Variants in PPP2R2B observed in about 807,000 individuals in gnomAD.
PPP2R2B encodes the protein protein phosphatase 2 regulatory subunit Bbeta.
Under a neutral mutation model 46.0 loss-of-function variants are expected in PPP2R2B, and 5 were observed. The ratio of observed to expected loss-of-function variants is 0.11; its 90% CI spans 0.06 to 0.23. The LOEUF (loss-of-function observed/expected upper bound fraction) is 0.23, where lower values mean the gene tolerates loss of function less well. Among genes scored for constraint, PPP2R2B ranks in the 10% least tolerant of loss-of-function variants. The pLI is 1.00. For synonymous variants in PPP2R2B, 215 were observed against 206.7 expected (o/e 1.04, Z -0.34); for missense variants, 367 against 575.0 (o/e 0.64, Z 3.70).
Position 146,992,956 on chromosome 5 carries a change from T to A in PPP2R2B, c.79+62709A>T, listed in dbSNP as rs867808974. ...AAATCTTTTTTATTTTTATGTTTAT[T>A]TTTTTAGATGGAGTCTTGCTCTGTC... On this transcript the variant is annotated intron_variant, in intron 1 of 8. Coordinates refer to the PPP2R2B transcript ENST00000336640. Among the ~76,000 whole-genome samples the A allele has an allele frequency of 5.3e-5, 8 of 152,276 alleles. 1 individual carries two copies. In the South Asian group the frequency reaches 1.7e-3, roughly 32 times the overall value.
intron 5 of PPP2R2B, among the ~76,000 whole-genome samples, chr5:146,682,221 T>C (rs1778221417): frequency 6.6e-6 from 1 of 152,218 alleles, no homozygotes; most frequent in South Asian, 2.1e-4. Flanking sequence ...CAAGGCAGCG[T>C]AGGAGAGTCA....
chr5:146,839,651 T>C (rs574299996), intron 2 of PPP2R2B, among the ~76,000 whole-genome samples: 4 of 152,362 alleles, frequency 2.6e-5, no homozygotes, highest in Non-Finnish European at 5.9e-5. Context: ...ACTTAAGAAA[T>C]GGACTTGCTA....
chr5:146,633,139 T>C (rs1229189628), intron 7 of PPP2R2B, among the ~76,000 whole-genome samples: 33 of 151,902 alleles, frequency 2.2e-4, no homozygotes, highest in Admixed American at 2.2e-3. Context: ...CCAGAAGTGG[T>C]AGAAAAAAAT....
chr5:146,916,150 C>G (rs1195141758), intron 1 of PPP2R2B, among the ~76,000 whole-genome samples: 1 of 152,102 alleles, frequency 6.6e-6, no homozygotes, highest in Non-Finnish European at 1.5e-5. Context: ...ACTTAAATAT[C>G]TGTTTTGAAA....
chr5:147,004,522 C>T lies in PPP2R2B; in HGVS notation c.79+51143G>A, dbSNP rs552389377. On this transcript the variant is annotated intron_variant, in intron 1 of 8. Coordinates refer to the PPP2R2B transcript ENST00000336640. Reference sequence around the variant, plus strand: ...TACCATCCGAGGAATCCTGGGACAGCCTATAACCAGGTATTTCTCCCACTT... The same window carrying T: ...TACCATCCGAGGAATCCTGGGACAGTCTATAACCAGGTATTTCTCCCACTT... Among the ~76,000 whole-genome samples the T allele has an allele frequency of 6.6e-5, 10 of 152,286 alleles. No individual in the cohort carries two copies. In the South Asian group the frequency reaches 1.9e-3, roughly 28 times the overall value.
chr5:147,037,049 G>T (rs1287603648), intron 1 of PPP2R2B, among the ~76,000 whole-genome samples: 1 of 152,146 alleles, frequency 6.6e-6, no homozygotes, highest in Admixed American at 6.6e-5. Context: ...GAGAGGTGAA[G>T]TAACTTTGCC....
intron 1 of PPP2R2B, among the ~76,000 whole-genome samples, chr5:147,054,281 T>A (rs1479475860): frequency 6.6e-6 from 1 of 152,180 alleles, no homozygotes; most frequent in Non-Finnish European, 1.5e-5. Flanking sequence ...ACAAAAGTCA[T>A]CTAGGCAGTT....
intron 1 of PPP2R2B, among the ~76,000 whole-genome samples, chr5:147,003,124 G>A (rs1057500340): frequency 1.3e-5 from 2 of 152,064 alleles, no homozygotes; most frequent in African/African-American, 4.8e-5. Context: ...TTATGTCCAA[G>A]CTTTCTTTTC....
chr5:147,060,071 G>T (rs937892794), upstream of PPP2R2B, among the ~76,000 whole-genome samples: 1 of 152,050 alleles, frequency 6.6e-6, no homozygotes, highest in African/African-American at 2.4e-5. Context: ...TATTAATCAG[G>T]ATGAGCCTGC....
chr5:146,695,203 T>C (rs1779105072), intron 4 of PPP2R2B, among the ~76,000 whole-genome samples: 2 of 152,178 alleles, frequency 1.3e-5, no homozygotes, highest in Admixed American at 6.5e-5. Context: ...ACAAATTTAT[T>C]TGTATCTTTT....
At chr5:146,661,931 T>C (rs964526946) in intron 5 of PPP2R2B, among the ~76,000 whole-genome samples, 1 of 152,162 alleles carries the variant, frequency 6.6e-6, no homozygotes, top group Non-Finnish European at 1.5e-5. Context: ...AAATTTCAAT[T>C]AACATTTATA....
intron 5 of PPP2R2B, among the ~76,000 whole-genome samples, chr5:146,672,272 A>G (rs567928380): frequency 1.3e-5 from 2 of 152,180 alleles, no homozygotes; most frequent in Non-Finnish European, 2.9e-5. Context: ...TTGGTTTTTG[A>G]TGTTGAACAA....
chr5:146,769,903 G>A (rs183275582), intron 2 of PPP2R2B, among the ~76,000 whole-genome samples: 103 of 152,152 alleles, frequency 6.8e-4, no homozygotes, highest in Non-Finnish European at 1.1e-3. Context: ...ACTTGTCTTT[G>A]ACCTAGTTAT....
Position 146,899,047 on chromosome 5 carries a change from A to G in PPP2R2B, c.79+156618T>C, listed in dbSNP as rs574267400. Among the ~76,000 whole-genome samples the G allele has an allele frequency of 2.3e-3, 352 of 151,900 alleles. 1 individual carries two copies. The highest frequency in any genetic ancestry group is 8.4e-3 in the African/African-American group (347 of 41,292). On this transcript the variant is annotated intron_variant, in intron 1 of 8. Transcript: ENST00000336640. ...GGTGGGACTGTAAACTAGTTCAACC[A>G]TTGTGGAAGTCAGTAGGGCGATTCC...
intron 2 of PPP2R2B, chr5:146,706,411 C>G: frequency 1.2e-6 from 1 of 862,792 alleles, no homozygotes; most frequent in Non-Finnish European, 1.8e-6. Context: ...CGCTGGTGGT[C>G]TTCGTATGGA....
At chr5:146,746,013 A>G (rs890130256) in intron 2 of PPP2R2B, among the ~76,000 whole-genome samples, 2 of 152,134 alleles carry the variant, frequency 1.3e-5, no homozygotes, top group Non-Finnish European at 2.9e-5. Flanking sequence ...TGTTATCTAG[A>G]GAACTCATTT....
At position 146,587,649 on chromosome 5, in the gene PPP2R2B, G is replaced by C. The variant is rs1770233175; in HGVS notation, c.*2298C>G. On this transcript the variant is annotated 3_prime_UTR_variant, in exon 10 of 10. Coordinates refer to ENST00000394411, the MANE Select transcript of PPP2R2B (RefSeq NM_181675.4). ...AATCTTCTGTCATATCAGTTACTCA[G>C]GGTCCCAAAGTTTGATACACATGCT... The C allele has an allele frequency of 6.6e-6, 1 of 152,112 alleles. No homozygotes were observed. The highest frequency in any genetic ancestry group is 2.1e-4 in the South Asian group (1 of 4,824). 9.4% of individuals were successfully genotyped at this position (152,112 alleles called of 1,614,324 possible). A position where few individuals can be genotyped will look rare whatever the true frequency, so the allele number is the denominator to read the frequency against.
chr5:146,617,680 A>G (rs1240969488), intron 7 of PPP2R2B, among the ~76,000 whole-genome samples: 3 of 144,356 alleles, frequency 2.1e-5, no homozygotes, highest in African/African-American at 7.8e-5. Context: ...GCTTCCTCTC[A>G]TCTCTCTCTC....
chr5:146,672,468 G>A (rs1384081058), intron 5 of PPP2R2B, among the ~76,000 whole-genome samples: 1 of 151,814 alleles, frequency 6.6e-6, no homozygotes, highest in African/African-American at 2.4e-5. Flanking sequence ...TGGAATTAGA[G>A]GCAAAAAAAT....
Sources: gnomAD v4.1 joint callset for allele counts (sites outside exome capture counted in the v4.1 genomes callset) on GRCh38, gnomAD v4.1.1 for gene constraint, MANE v1.5 for transcripts, NCBI Gene and HGNC (gene_info 2026-07-23, HGNC 2026-07-21) for gene names.